Variants in TFCP2L1 observed in about 807,000 individuals in gnomAD.
The protein encoded by TFCP2L1 is transcription factor CP2 like 1.
Under a neutral mutation model 72.2 loss-of-function variants are expected in TFCP2L1, and 12 were observed. The ratio of observed to expected loss-of-function variants is 0.17; its 90% confidence interval spans 0.11 to 0.27. The LOEUF (loss-of-function observed/expected upper bound fraction) is 0.27. Among genes scored for constraint, TFCP2L1 ranks in the 10% least tolerant of loss-of-function variants. TFCP2L1 has a pLI of 1.00. For synonymous variants in TFCP2L1, 260 were observed against 251.0 expected, an observed-to-expected ratio of 1.04 and a Z score of -0.34; for missense variants, 488 against 624.6, an observed-to-expected ratio of 0.78 and a Z score of 2.33.
Position 121,234,023 on chromosome 2 carries a change from A to C in TFCP2L1, c.1198+68T>G, listed in dbSNP as rs923278109. The C allele has an allele frequency of 2.2e-6, 3 of 1,378,122 alleles. No individual in the cohort carries two copies. In the African/African-American group the frequency reaches 4.3e-5, roughly 20 times the overall value. 85.4% of individuals were successfully genotyped at this position (1,378,122 alleles called of 1,614,324 possible). On this transcript the variant is annotated intron_variant, in intron 12 of 14. Coordinates refer to ENST00000263707, the MANE Select transcript of TFCP2L1 (RefSeq NM_014553.3). ...TTCACTGGAAATGAACAGAGGCCAG[A>C]CTGCGGGCTTGAAAGCCAGGCTGCG... is the stretch of plus-strand genomic sequence containing the variant.
At chr2:121,253,426 A>G (rs1472273773) in intron 2 of TFCP2L1, among the ~76,000 whole-genome samples, 1 of 152,220 alleles carries the variant, frequency 6.6e-6, no homozygotes, top group Non-Finnish European at 1.5e-5. Context: ...TCCTGAACCA[A>G]GAGTCCAACA....
intron 13 of TFCP2L1, 119 bp from the exon 14 acceptor site, chr2:121,225,732 G>A (rs1686016333): frequency 1.9e-6 from 2 of 1,035,044 alleles, no homozygotes; most frequent in East Asian, 2.5e-5. Flanking sequence ...CACTGCCACG[G>A]TGCCCACACA....
intron 5 of TFCP2L1, among the ~76,000 whole-genome samples, chr2:121,247,814 C>T (rs776070290): frequency 5.3e-5 from 8 of 152,160 alleles, no homozygotes; most frequent in Admixed American, 4.6e-4. Context: ...TGGATCCACA[C>T]CAGTGCTTGA....
Position 121,223,232 on chromosome 2 carries a change from A to G in TFCP2L1, c.*1109T>C, listed in dbSNP as rs537400371. 3 of 152,310 alleles carry G rather than the reference A, an allele frequency of 2.0e-5. No homozygotes were observed. Among genetic ancestry groups the G allele is most frequent in the Admixed American group, 6.5e-5 (1 of 15,304 alleles). 9.4% of individuals were successfully genotyped at this position (152,310 alleles called of 1,614,324 possible). ...GGATCCCAGGAACCAGAGGCAAGACAAAGACGAATTTCTGAGTCTACCACA... is the reference window on the plus strand; with the variant it reads ...GGATCCCAGGAACCAGAGGCAAGACGAAGACGAATTTCTGAGTCTACCACA... On this transcript the variant is annotated 3_prime_UTR_variant, in exon 15 of 15. Coordinates refer to ENST00000263707, the MANE Select transcript of TFCP2L1 (RefSeq NM_014553.3).
intron 2 of TFCP2L1, among the ~76,000 whole-genome samples, chr2:121,263,725 A>C (rs186223507): frequency 1.3e-5 from 2 of 152,316 alleles, no homozygotes; most frequent in Admixed American, 1.3e-4. Context: ...TCCTAAACAC[A>C]TATATCACTG....
chr2:121,250,290 T>C lies in TFCP2L1; in HGVS notation c.215-643A>G, dbSNP rs1208673017. Among the ~76,000 whole-genome samples, 3 of 152,026 alleles carry C rather than the reference T, an allele frequency of 2.0e-5. No individual in the cohort carries two copies. The East Asian group carries it at 5.8e-4, about 29-fold the overall frequency. On this transcript the variant is annotated intron_variant, in intron 2 of 14. Transcript: ENST00000263707. Reference sequence around the variant, plus strand: ...CCTGAAGGAAATGACACGCATTTTATTGAAATATAAAATATACCATGAATA... The same window carrying C: ...CCTGAAGGAAATGACACGCATTTTACTGAAATATAAAATATACCATGAATA...
In TFCP2L1 at chr2:121,248,226, T is replaced by A. The variant is rs1330002678; in HGVS notation, c.442A>T (p.Thr148Ser). 6.2e-7 allele frequency: 1 copy of A among 1,613,954 alleles called. No homozygotes were observed. The highest frequency in any genetic ancestry group is 1.3e-5 in the African/African-American group (1 of 74,914). ...VGILDPRASP[T>S]QLNAVEFLWD... ...AAAAACTCGACTGCATTCAGCTGGG[T>A]CGGGCTGGCCCTGGGGTCCAAGATA... Residue 148 changes from threonine to serine, a missense_variant, in exon 5 of 15, where the codon ACC becomes TCC. Physicochemically the swap from Thr to Ser is moderately conservative, Grantham distance 58. Coordinates refer to ENST00000263707, the MANE Select transcript of TFCP2L1 (RefSeq NM_014553.3).
At chr2:121,274,090 T>C (rs1392593344) in intron 2 of TFCP2L1, among the ~76,000 whole-genome samples, 1 of 137,450 alleles carries the variant, frequency 7.3e-6, no homozygotes, top group Non-Finnish European at 1.5e-5. Flanking sequence ...CGAGACTCTG[T>C]CTCCAAAAAA....
At chr2:121,276,207 C>T (rs1246424464) in intron 2 of TFCP2L1, among the ~76,000 whole-genome samples, 1 of 151,968 alleles carries the variant, frequency 6.6e-6, no homozygotes, top group East Asian at 1.9e-4. Flanking sequence ...CTAATGCTAT[C>T]CCTCCCCTTG....
intron 2 of TFCP2L1, among the ~76,000 whole-genome samples, chr2:121,280,195 G>GAA (rs529683353): frequency 7.1e-5 from 10 of 141,346 alleles, no homozygotes; most frequent in African/African-American, 1.6e-4. Flanking sequence ...GAGGTTCAGA[G>GAA]AAAAAAAAAA....
intron 6 of TFCP2L1, among the ~76,000 whole-genome samples, chr2:121,244,248 A>G (rs909903506): frequency 3.3e-5 from 5 of 152,238 alleles, no homozygotes; most frequent in Non-Finnish European, 5.9e-5. Flanking sequence ...TTGCTCAGAC[A>G]GGAGCCCTGC....
At chr2:121,248,382 A>G in intron 4 of TFCP2L1, 112 bp from the exon 5 acceptor site, 1 of 822,000 alleles carries the variant, frequency 1.2e-6, no homozygotes, top group Non-Finnish European at 1.8e-6. Context: ...GCAATGCCAA[A>G]AGCTCTGAAA....
At chr2:121,274,152 G>A (rs906517707) in intron 2 of TFCP2L1, among the ~76,000 whole-genome samples, 12 of 151,522 alleles carry the variant, frequency 7.9e-5, no homozygotes, top group African/African-American at 2.9e-4. Flanking sequence ...GTCATATGAT[G>A]AAGAATAAGC....
intron 12 of TFCP2L1, among the ~76,000 whole-genome samples, chr2:121,233,867 C>T (rs1271476309): frequency 6.6e-6 from 1 of 152,348 alleles, no homozygotes; most frequent in South Asian, 2.1e-4. Flanking sequence ...TCCCAAGCCT[C>T]GGGGTGTGCA....
In TFCP2L1 at chr2:121,221,048, C is replaced by A. The variant is rs1685919711; in HGVS notation, c.*3293G>T. ...TGAGAATTAAAATTTAGCCCACCAT[C>A]ATTTGGCCTTGGTAGTGACATCACT... On this transcript the variant is annotated 3_prime_UTR_variant, in exon 15 of 15. Coordinates refer to ENST00000263707, the MANE Select transcript of TFCP2L1 (RefSeq NM_014553.3). The A allele has an allele frequency of 6.6e-6, 1 of 152,198 alleles. No individual in the cohort carries two copies. Among genetic ancestry groups the A allele is most frequent in the African/African-American group, 2.4e-5 (1 of 41,434 alleles). The allele number at this position is 152,198 out of a possible 1,614,324, so 9.4% of individuals were successfully genotyped here. A position where few individuals can be genotyped will look rare whatever the true frequency, so the allele number is the denominator to read the frequency against.
Position 121,224,018 on chromosome 2 carries a change from C to T in TFCP2L1, c.*323G>A, listed in dbSNP as rs1256069382. On this transcript the variant is annotated 3_prime_UTR_variant, in exon 15 of 15. Transcript: ENST00000263707. ...ACCAAGATACCCAATCAGCTTCCAACTAAGGGATGAGGGATTTCAGAGCAG... is the reference window on the plus strand; with the variant it reads ...ACCAAGATACCCAATCAGCTTCCAATTAAGGGATGAGGGATTTCAGAGCAG... 1.1e-5 allele frequency: 4 copies of T among 372,614 alleles called. No homozygotes were observed. Among genetic ancestry groups the T allele is most frequent in the African/African-American group, 2.0e-5 (1 of 49,164 alleles). 23.1% of individuals were successfully genotyped at this position (372,614 alleles called of 1,614,324 possible).
chr2:121,263,308 A>G (rs1345778651), intron 2 of TFCP2L1, among the ~76,000 whole-genome samples: 1 of 152,178 alleles, frequency 6.6e-6, no homozygotes, highest in Non-Finnish European at 1.5e-5. Flanking sequence ...TTGAATTTGT[A>G]TCCATAGTAG....
rs1686553837 is a variant in TFCP2L1 at position 121,249,231 on chromosome 2, C to A, written c.292-144G>T. 4.8e-6 allele frequency: 3 copies of A among 621,094 alleles called. No homozygotes were observed. The South Asian group carries it at 6.4e-5, about 13-fold the overall frequency. 38.5% of individuals were successfully genotyped at this position (621,094 alleles called of 1,614,324 possible). A position where few individuals can be genotyped will look rare whatever the true frequency, so the allele number is the denominator to read the frequency against. On this transcript the variant is annotated intron_variant, in intron 3 of 14. Coordinates refer to ENST00000263707, the MANE Select transcript of TFCP2L1 (RefSeq NM_014553.3). ...TTTCCCAGTTCTCAAGCTTTGCCCA[C>A]TGTCCCCTCCTCAGATTCCAGTAAC...
chr2:121,230,503 T>C (rs1686119134), intron 13 of TFCP2L1, among the ~76,000 whole-genome samples: 1 of 150,982 alleles, frequency 6.6e-6, no homozygotes, highest in Admixed American at 6.6e-5. Flanking sequence ...TCACTTCAGC[T>C]GGTGCAGGGG....
Sources: gnomAD v4.1 joint callset for allele counts (sites outside exome capture counted in the v4.1 genomes callset) on GRCh38, gnomAD v4.1.1 for gene constraint, MANE v1.5 for transcripts, NCBI Gene and HGNC (gene_info 2026-07-23, HGNC 2026-07-21) for gene names.